COL4A3: variants seen among roughly 807,000 people sequenced by gnomAD.
COL4A3 encodes collagen alpha-3(IV) chain.
A neutral mutation model predicts 217.4 loss-of-function variants in COL4A3; 135 were observed. That is an observed-to-expected ratio of 0.62 (90% CI 0.54 to 0.72). COL4A3 has a LOEUF of 0.72. Among genes scored for constraint, COL4A3 ranks in the 30% least tolerant of loss-of-function variants. The probability of loss-of-function intolerance (pLI) is 0.00; values close to 1 mark genes in which losing one functional copy is unlikely to be tolerated. For synonymous variants in COL4A3, 690 were observed against 736.3 expected, an observed-to-expected ratio of 0.94 and a Z score of 1.02; for missense variants, 1,868 against 2,119.9, an observed-to-expected ratio of 0.88 and a Z score of 2.33.
chr2:227,244,342 T>C lies in COL4A3; in HGVS notation c.257T>C (p.Leu86Pro). 1 of 1,613,980 alleles carries C rather than the reference T, an allele frequency of 6.2e-7. No individual in the cohort carries two copies. Among genetic ancestry groups the C allele is most frequent in the Non-Finnish European group, 8.5e-7 (1 of 1,179,908 alleles). The change falls in exon 4 of 52, where the codon CTC becomes CCC. Residue 86 changes from leucine (L) to proline (P), a missense_variant. Physicochemically the swap from Leu to Pro is moderately conservative, Grantham distance 98 (BLOSUM62 -3). Transcript: ENST00000396578. ...TAGGGCTTTCCAGGACTTCCAGGAC[T>C]CACGGGTTCCAAAGGTGTAAGGGTT... ...GPKGFPGLPG[L>P]TGSKGVRGIS...
At chr2:227,237,140 A>G (rs1393920615) in intron 1 of COL4A3, among the ~76,000 whole-genome samples, 3 of 152,250 alleles carry the variant, frequency 2.0e-5, no homozygotes, top group Admixed American at 2.0e-4. Flanking sequence ...CTCACAGCTG[A>G]ATTTTTTGTT....
rs1256600106 is a variant in COL4A3, at chr2:227,250,257, G to A, written c.547-883G>A. 1.3e-5 allele frequency among the ~76,000 whole-genome samples: 2 copies of A among 152,128 alleles called. No individual in the cohort carries two copies. The highest frequency in any genetic ancestry group is 2.9e-5 in the Non-Finnish European group (2 of 68,028). Reference sequence around the variant, plus strand: ...GAACCCGGGAGGCAGAGGCTGCAGTGAGCAGAGATCGTACCACTGCACTCC... The same window carrying A: ...GAACCCGGGAGGCAGAGGCTGCAGTAAGCAGAGATCGTACCACTGCACTCC... On this transcript the variant is annotated intron_variant, in intron 9 of 51. Transcript: ENST00000396578. The surrounding 1 kb of genome is among the most constrained non-coding windows in gnomAD (Gnocchi z 4.1).
intron 1 of COL4A3, among the ~76,000 whole-genome samples, chr2:227,176,125 G>A: frequency 6.6e-6 from 1 of 152,140 alleles, no homozygotes; most frequent in Non-Finnish European, 1.5e-5. Flanking sequence ...GAGGGGAAGA[G>A]AACCAGTCTA....
chr2:227,291,562 CAAAAAAAA>C (rs869289707), intron 37 of COL4A3, among the ~76,000 whole-genome samples: 3 of 34,416 alleles, frequency 8.7e-5, no homozygotes, highest in Admixed American at 4.5e-4. Flanking sequence ...GACTCCGTCT[CAAAAAAAA>C]AAAAAAAAAC....
chr2:227,198,653 C>T (rs1351545195), intron 1 of COL4A3, among the ~76,000 whole-genome samples: 1 of 152,058 alleles, frequency 6.6e-6, no homozygotes, highest in African/African-American at 2.4e-5. Flanking sequence ...GAAAAAAATT[C>T]CCTGACCTCA....
intron 19 of COL4A3, chr2:227,260,164 G>A (rs2070461867): frequency 1.8e-6 from 1 of 569,176 alleles, no homozygotes; most frequent in Non-Finnish European, 3.3e-6. Context: ...GCAAGGCATT[G>A]GCAATCTCAA....
At chr2:227,281,426 CTAAAA>C (rs1420302145) in intron 31 of COL4A3, among the ~76,000 whole-genome samples, 7 of 152,024 alleles carry the variant, frequency 4.6e-5, no homozygotes, top group African/African-American at 1.7e-4. Flanking sequence ...AACTTATAAA[CTAAAA>C]TATGTAGTTG....
intron 19 of COL4A3, 137 bp downstream of exon 19, chr2:227,260,014 T>C: frequency 1.3e-6 from 1 of 773,114 alleles, no homozygotes. Flanking sequence ...ATAAAGGTGT[T>C]ATTTTTTGAT....
At chr2:227,225,640 T>G (rs149214179) in intron 1 of COL4A3, among the ~76,000 whole-genome samples, 4 of 151,878 alleles carry the variant, frequency 2.6e-5, no homozygotes, top group Admixed American at 6.6e-5. Flanking sequence ...GGTAGAGATT[T>G]TTTTTTTTAA....
At chr2:227,216,794 G>A (rs979731918) in intron 1 of COL4A3, among the ~76,000 whole-genome samples, 7 of 152,154 alleles carry the variant, frequency 4.6e-5, no homozygotes, top group African/African-American at 1.7e-4. Context: ...TATTGTTCAG[G>A]AAAGGAGGAT....
At chr2:227,219,886 G>A (rs1329695270) in intron 1 of COL4A3, among the ~76,000 whole-genome samples, 1 of 152,130 alleles carries the variant, frequency 6.6e-6, no homozygotes, top group Non-Finnish European at 1.5e-5. Context: ...TGTAACCCCA[G>A]TGCTGTCTAG....
Position 227,191,761 on chromosome 2 carries a change from G to A in COL4A3, c.87+26948G>A, listed in dbSNP as rs2066252504. Among the ~76,000 whole-genome samples, 1 of 152,146 alleles carries A rather than the reference G, an allele frequency of 6.6e-6. No individual in the cohort carries two copies. Among genetic ancestry groups the A allele is most frequent in the East Asian group, 1.9e-4 (1 of 5,168 alleles). On this transcript the variant is annotated intron_variant, in intron 1 of 51. Coordinates refer to ENST00000396578, the MANE Select transcript of COL4A3 (RefSeq NM_000091.5). The surrounding 1 kb of genome is among the most constrained non-coding windows in gnomAD (Gnocchi z 6.8). ...AAATGAAAATCATTTTCTTATTTTT[G>A]TAATTATGAAGGCTAAAAATAAAGA...
intron 18 of COL4A3, among the ~76,000 whole-genome samples, chr2:227,258,318 G>A (rs961484077): frequency 6.6e-6 from 1 of 152,142 alleles, no homozygotes; most frequent in Non-Finnish European, 1.5e-5. Context: ...GAGGGGAAGG[G>A]GTGTCCTGTT....
At position 227,256,047 on chromosome 2, in the gene COL4A3, G is replaced by A. The variant is rs766043773; in HGVS notation, c.910G>A (p.Val304Ile). 1 of 1,613,954 alleles carries A rather than the reference G, an allele frequency of 6.2e-7. No homozygotes were observed. The highest frequency in any genetic ancestry group is 8.5e-7 in the Non-Finnish European group (1 of 1,179,866). ...GTAGGGAAAACCCGGAAAAGATGGT[G>A]TTCCTGGCTTCCCTGGAAGTGAGGT... ...GLQGKPGKDG[V>I]PGFPGSEGVK... Residue 304 changes from valine to isoleucine, a missense_variant, in exon 16 of 52, where the codon GTT (valine) becomes ATT (isoleucine). Coordinates refer to ENST00000396578, the MANE Select transcript of COL4A3 (RefSeq NM_000091.5).
chr2:227,245,855 T>C, intron 5 of COL4A3, 99 bp from the exon 6 acceptor site: 1 of 891,628 alleles, frequency 1.1e-6, no homozygotes, highest in Non-Finnish European at 1.9e-6. Flanking sequence ...AAACAATCAT[T>C]TATATTTCAA....
At chr2:227,206,338 G>A (rs1311253091) in intron 1 of COL4A3, among the ~76,000 whole-genome samples, 8 of 152,184 alleles carry the variant, frequency 5.3e-5, no homozygotes, top group African/African-American at 1.2e-4. Flanking sequence ...CTCCCGTAGT[G>A]CTGGGATTAC....
intron 1 of COL4A3, among the ~76,000 whole-genome samples, chr2:227,209,685 CAA>C (rs916537921): frequency 2.0e-5 from 3 of 151,890 alleles, no homozygotes; most frequent in African/African-American, 7.3e-5. Context: ...ACTAAAAATA[CAA>C]AAAAATTAGC....
chr2:227,207,744 A>G (rs191203957), intron 1 of COL4A3, among the ~76,000 whole-genome samples: 51 of 152,324 alleles, frequency 3.3e-4, no homozygotes, highest in Non-Finnish European at 6.5e-4. Flanking sequence ...ACAGAGTTTC[A>G]CAGCAGGCAT....
intron 1 of COL4A3, among the ~76,000 whole-genome samples, chr2:227,185,134 T>G (rs1277410317): frequency 6.6e-6 from 1 of 152,120 alleles, no homozygotes; most frequent in Non-Finnish European, 1.5e-5. Context: ...TCTTCTGACC[T>G]CGTGATCTGC....
Sources: allele counts gnomAD v4.1 joint callset (sites outside exome capture counted in the v4.1 genomes callset), GRCh38; gene constraint gnomAD v4.1.1; non-coding constraint Gnocchi (gnomAD v3.1); transcripts MANE v1.5; gene names NCBI Gene and HGNC (gene_info 2026-07-23, HGNC 2026-07-21).